The following RORB variants were observed in gnomAD, a reference collection of about 807,000 sequenced individuals.
RORB encodes nuclear receptor ROR-beta.
A neutral mutation model predicts 59.1 loss-of-function variants in RORB; 6 were observed. That is an observed-to-expected ratio of 0.10 (90% CI 0.06 to 0.20). The LOEUF is 0.20. Among genes scored for constraint, RORB ranks in the 10% least tolerant of loss-of-function variants. The pLI, the probability that RORB is intolerant of heterozygous loss-of-function variation, is 1.00. For missense variants in RORB, 320 were observed against 560.5 expected, an observed-to-expected ratio of 0.57 and a Z score of 4.33; for synonymous variants, 215 against 204.5, an observed-to-expected ratio of 1.05 and a Z score of -0.44.
intron 1 of RORB, among the ~76,000 whole-genome samples, chr9:74,622,989 T>C (rs536768354): frequency 5.0e-4 from 76 of 152,258 alleles, no homozygotes; most frequent in African/African-American, 1.7e-3. Context: ...ATCATGACCA[T>C]TGAACTCCGT....
chr9:74,516,499 TTG>T (rs1826012702), intron 1 of RORB, among the ~76,000 whole-genome samples: 1 of 152,008 alleles, frequency 6.6e-6, no homozygotes, highest in South Asian at 2.1e-4. Context: ...AGGAGTTTTG[TTG>T]TACTGAGATA....
At chr9:74,631,669 G>A (rs1823621309) in intron 2 of RORB, among the ~76,000 whole-genome samples, 1 of 152,140 alleles carries the variant, frequency 6.6e-6, no homozygotes, top group Admixed American at 6.6e-5. Flanking sequence ...GAAGGAGCAT[G>A]ATATTAACGT....
intron 4 of RORB, among the ~76,000 whole-genome samples, chr9:74,655,750 T>C (rs2118498565): frequency 6.6e-6 from 1 of 152,302 alleles, no homozygotes; most frequent in East Asian, 1.9e-4. Context: ...AACCATCTCC[T>C]TGGACATTCA....
intron 1 of RORB, among the ~76,000 whole-genome samples, chr9:74,603,260 G>T (rs931545456): frequency 2.0e-5 from 3 of 152,286 alleles, no homozygotes; most frequent in Middle Eastern, 6.8e-3. Flanking sequence ...GGCTTTTGCA[G>T]CTCTCTTTGG....
chr9:74,588,180 C>T (rs759709329), intron 1 of RORB, among the ~76,000 whole-genome samples: 3 of 152,074 alleles, frequency 2.0e-5, no homozygotes, highest in African/African-American at 7.2e-5. Context: ...TCCTTTTCCA[C>T]CAGCATGATA....
intron 4 of RORB, among the ~76,000 whole-genome samples, chr9:74,644,189 C>T (rs769074344): frequency 2.6e-5 from 4 of 152,308 alleles, no homozygotes; most frequent in Non-Finnish European, 5.9e-5. Flanking sequence ...AGCAATGTTA[C>T]ACAGTTATAA....
intron 1 of RORB, among the ~76,000 whole-genome samples, chr9:74,510,560 C>T (rs1248047408): frequency 6.6e-6 from 1 of 152,088 alleles, no homozygotes; most frequent in Admixed American, 6.6e-5. Context: ...GCCTGTGTTT[C>T]GTACTCTATA....
At chr9:74,559,102 C>T (rs748661141) in intron 1 of RORB, among the ~76,000 whole-genome samples, 4 of 152,134 alleles carry the variant, frequency 2.6e-5, no homozygotes, top group East Asian at 1.9e-4. Context: ...TTCCAAACTC[C>T]GTGCATACGA....
At chr9:74,582,878 A>G (rs1563943795) in intron 1 of RORB, among the ~76,000 whole-genome samples, 1 of 152,316 alleles carries the variant, frequency 6.6e-6, no homozygotes, top group East Asian at 1.9e-4. Context: ...GCAAAATAAA[A>G]AAGATTCACT....
In RORB at chr9:74,690,869, G is replaced by A. The variant is rs1431936229; in HGVS notation, c.*5251G>A. Reference sequence around the variant, plus strand: ...CAAACTCCCTTCTTCATAGAGCCAGGGGGCTGGATTTCTTGCCACTTTTTT... The same window carrying A: ...CAAACTCCCTTCTTCATAGAGCCAGAGGGCTGGATTTCTTGCCACTTTTTT... On this transcript the variant is annotated 3_prime_UTR_variant, in exon 10 of 10. Transcript: ENST00000376896. 6.6e-6 allele frequency: 1 copy of A among 152,154 alleles called. No individual in the cohort carries two copies. Among genetic ancestry groups the A allele is most frequent in the Non-Finnish European group, 1.5e-5 (1 of 68,040 alleles). 9.4% of individuals were successfully genotyped at this position (152,154 alleles called of 1,614,324 possible).
intron 1 of RORB, among the ~76,000 whole-genome samples, chr9:74,551,892 G>A (rs1826614232): frequency 6.6e-6 from 1 of 152,136 alleles, no homozygotes; most frequent in African/African-American, 2.4e-5. Flanking sequence ...GGTATCCAGT[G>A]CTGGGACCAA....
rs1288973013 is a variant in RORB at position 74,581,244 on chromosome 9, A to G, written c.8-49038A>G. 2.6e-5 allele frequency among the ~76,000 whole-genome samples: 4 copies of G among 152,280 alleles called. No homozygotes were observed. In the East Asian group the frequency reaches 5.8e-4, roughly 22 times the overall value. On this transcript the variant is annotated intron_variant, in intron 1 of 9. Coordinates refer to ENST00000376896, the MANE Select transcript of RORB (RefSeq NM_006914.4). ...AGTCTCCGTGCAATCTCAGAGACCA[A>G]AAAAATGCACCTATGACATATAAAA...
intron 1 of RORB, among the ~76,000 whole-genome samples, chr9:74,550,484 C>G (rs1308093098): frequency 6.6e-6 from 1 of 152,196 alleles, no homozygotes; most frequent in Admixed American, 6.5e-5. Context: ...TATCGACTAG[C>G]TAGGGTTGAG....
At chr9:74,521,890 G>A (rs1200548131) in intron 1 of RORB, among the ~76,000 whole-genome samples, 1 of 151,704 alleles carries the variant, frequency 6.6e-6, no homozygotes, top group East Asian at 1.9e-4. Context: ...AAATTATAAG[G>A]ACTAGTGAAG....
At chr9:74,530,897 C>T (rs1826227536) in intron 1 of RORB, among the ~76,000 whole-genome samples, 2 of 151,802 alleles carry the variant, frequency 1.3e-5, no homozygotes, top group Non-Finnish European at 2.9e-5. Flanking sequence ...CGACAGGCCC[C>T]GGTGTGTGAT....
intron 1 of RORB, among the ~76,000 whole-genome samples, chr9:74,544,422 T>C (rs1419072304): frequency 3.3e-5 from 5 of 152,168 alleles, no homozygotes; most frequent in Non-Finnish European, 7.3e-5. Context: ...TGTGCTCCAG[T>C]GATTGCTTTA....
chr9:74,660,465 TTGTC>T, intron 4 of RORB, 148 bp from the exon 5 acceptor site: 1 of 566,930 alleles, frequency 1.8e-6, no homozygotes, highest in South Asian at 5.5e-5. Flanking sequence ...AATAAAGAGT[TTGTC>T]TGAAGATTTT....
At chr9:74,621,011 G>C (rs1268624295) in intron 1 of RORB, among the ~76,000 whole-genome samples, 3 of 152,072 alleles carry the variant, frequency 2.0e-5, no homozygotes, top group Non-Finnish European at 4.4e-5. Context: ...CAAAATAATT[G>C]AGCAAATAGT....
In RORB at chr9:74,687,927, G is replaced by A. The variant is rs754814630; in HGVS notation, c.*2309G>A. On this transcript the variant is annotated 3_prime_UTR_variant, in exon 10 of 10. Coordinates refer to ENST00000376896, the MANE Select transcript of RORB (RefSeq NM_006914.4). ...ACTTATGTCAAACTTTGTTTTCATT[G>A]TTCTGTTGGCCTAGTGTTTTCCATT... 1.1e-4 allele frequency: 16 copies of A among 152,070 alleles called. No homozygotes were observed. Among genetic ancestry groups the A allele is most frequent in the Non-Finnish European group, 1.5e-4 (10 of 68,010 alleles). 9.4% of individuals were successfully genotyped at this position (152,070 alleles called of 1,614,324 possible).
Sources: gnomAD v4.1 joint callset for allele counts (sites outside exome capture counted in the v4.1 genomes callset) on GRCh38, gnomAD v4.1.1 for gene constraint, MANE v1.5 for transcripts, NCBI Gene and HGNC (gene_info 2026-07-23, HGNC 2026-07-21) for gene names.